PIK3C2A: variants seen among roughly 807,000 people sequenced by gnomAD.
The protein encoded by PIK3C2A is phosphatidylinositol 4-phosphate 3-kinase C2 domain-containing subunit alpha.
Under a neutral mutation model 204.5 loss-of-function variants are expected in PIK3C2A, and 97 were observed. The observed-to-expected ratio is 0.47, with a 90% confidence interval of 0.40 to 0.56. PIK3C2A has a LOEUF of 0.56. Among genes scored for constraint, PIK3C2A ranks in the 20% least tolerant of loss-of-function variants. The probability of loss-of-function intolerance (pLI) is 0.00; values close to 1 mark genes in which losing one functional copy is unlikely to be tolerated. For synonymous variants in PIK3C2A, 653 were observed against 664.4 expected (o/e 0.98, Z 0.26); for missense variants, 1,735 against 1,969.2 (o/e 0.88, Z 2.25).
chr11:17,137,402 T>C (rs1377749627), intron 8 of PIK3C2A, among the ~76,000 whole-genome samples: 1 of 114,344 alleles, frequency 8.7e-6, no homozygotes, highest in Non-Finnish European at 1.8e-5. Flanking sequence ...CATTCTCCTA[T>C]ATTACTTCAT....
At chr11:17,182,751 A>G (rs1198799641) in intron 1 of PIK3C2A, among the ~76,000 whole-genome samples, 1 of 152,192 alleles carries the variant, frequency 6.6e-6, no homozygotes, top group African/African-American at 2.4e-5. Flanking sequence ...TTTATAAAAT[A>G]GAGTTTCTCA....
rs1012065756 is a variant in PIK3C2A at position 17,087,862 on chromosome 11, A to G, written c.*1876T>C. The stretch of plus-strand genomic sequence containing the variant: ...TTTAACATTTAAAAAAGACATTCAT[A>G]TACCATACTCATGGGTTTAACTACA... On this transcript the variant is annotated 3_prime_UTR_variant, in exon 33 of 33. Coordinates refer to ENST00000691414, the MANE Select transcript of PIK3C2A (RefSeq NM_002645.4). 1 of 152,252 alleles carries G rather than the reference A, an allele frequency of 6.6e-6. No homozygotes were observed. Among genetic ancestry groups the G allele is most frequent in the African/African-American group, 2.4e-5 (1 of 41,464 alleles). 9.4% of individuals were successfully genotyped at this position (152,252 alleles called of 1,614,324 possible). A position where few individuals can be genotyped will look rare whatever the true frequency, so the allele number is the denominator to read the frequency against.
intron 1 of PIK3C2A, among the ~76,000 whole-genome samples, chr11:17,178,502 G>A (rs936228432): frequency 6.6e-6 from 1 of 152,092 alleles, no homozygotes; most frequent in African/African-American, 2.4e-5. Flanking sequence ...CTGTTATTCT[G>A]GGGGAGAACA....
chr11:17,123,387 T>C (rs1590933596), intron 13 of PIK3C2A, among the ~76,000 whole-genome samples: 2 of 151,674 alleles, frequency 1.3e-5, no homozygotes, highest in South Asian at 4.2e-4. Flanking sequence ...TAGCTAGGAC[T>C]ATAGGCACGT....
intron 26 of PIK3C2A, among the ~76,000 whole-genome samples, chr11:17,099,186 C>A (rs1848544284): frequency 6.6e-6 from 1 of 152,140 alleles, no homozygotes; most frequent in Non-Finnish European, 1.5e-5. Context: ...TGAGCCACTG[C>A]GCCTGGCTGG....
chr11:17,124,799 C>G (rs1431288370), intron 13 of PIK3C2A, among the ~76,000 whole-genome samples: 1 of 152,142 alleles, frequency 6.6e-6, no homozygotes, highest in Non-Finnish European at 1.5e-5. Context: ...GTCTCCTTCT[C>G]TTTTTTTCTA....
At chr11:17,111,096 T>C (rs71484760) in intron 21 of PIK3C2A, among the ~76,000 whole-genome samples, 1 of 151,812 alleles carries the variant, frequency 6.6e-6, no homozygotes. Flanking sequence ...TTAGTAGAGA[T>C]GGGGTTTCAC....
intron 23 of PIK3C2A, 55 bp downstream of exon 23, chr11:17,105,114 C>A (rs1259604436): frequency 2.5e-5 from 35 of 1,407,318 alleles, no homozygotes; most frequent in Non-Finnish European, 3.5e-5. Context: ...GAACTTAAAA[C>A]CTCTGTAACA....
At chr11:17,172,534 C>T in intron 1 of PIK3C2A, among the ~76,000 whole-genome samples, 1 of 152,320 alleles carries the variant, frequency 6.6e-6, no homozygotes, top group African/African-American at 2.4e-5. Context: ...CCCACAGAAT[C>T]ATTTTGGAAT....
In PIK3C2A at chr11:17,102,926, C is replaced by G. The variant is rs937726040; in HGVS notation, c.3682-95G>C. On this transcript the variant is annotated intron_variant, in intron 23 of 32. Coordinates refer to ENST00000691414, the MANE Select transcript of PIK3C2A (RefSeq NM_002645.4). ...AAAGTAATTTATCACTCTTTAAAAA[C>G]ACTATTGTAATCCACTCTCTCAATA... is the stretch of plus-strand genomic sequence containing the variant. The G allele has an allele frequency of 7.9e-6, 6 of 757,168 alleles. No homozygotes were observed. The African/African-American group carries it at 1.1e-4, about 13-fold the overall frequency. The allele number at this position is 757,168 out of a possible 1,614,324, so 46.9% of individuals were successfully genotyped here.
chr11:17,134,872 C>T lies in PIK3C2A; in HGVS notation c.2055G>A (p.Gln685=). 6.2e-7 allele frequency: 1 copy of T among 1,614,122 alleles called. No individual in the cohort carries two copies. Among genetic ancestry groups the T allele is most frequent in the Non-Finnish European group, 8.5e-7 (1 of 1,179,982 alleles). The change falls in exon 11 of 33, where the codon CAG becomes CAA. Residue 685 remains glutamine (Q), a synonymous_variant. Transcript: ENST00000691414. ...GAGCAGCAAAAATAGTAAACTGGAG[C>T]TGCTCTGTTGTAGTCCATGCTTCCT... ...SVKEAWTTTE[Q]LQFTIFAAHG...
At chr11:17,115,721 T>C (rs1170775267) in intron 19 of PIK3C2A, 1 of 152,144 alleles carries the variant, frequency 6.6e-6, no homozygotes, top group East Asian at 1.9e-4. Context: ...TAATCTTCTC[T>C]GTATCATTCC....
At chr11:17,112,446 C>G in intron 21 of PIK3C2A, 128 bp downstream of exon 21, 1 of 416,270 alleles carries the variant, frequency 2.4e-6, no homozygotes. Flanking sequence ...GAACAAGACC[C>G]TGTGTAAAAA....
intron 2 of PIK3C2A, among the ~76,000 whole-genome samples, chr11:17,166,901 C>T (rs12276923): frequency 0.057 from 8,625 of 152,136 alleles, 304 homozygotes; most frequent in Middle Eastern, 0.078. Context: ...GAAATTGACC[C>T]GAATATGAAT....
At chr11:17,127,358 G>C (rs1849559670) in intron 13 of PIK3C2A, among the ~76,000 whole-genome samples, 1 of 151,916 alleles carries the variant, frequency 6.6e-6, no homozygotes, top group African/African-American at 2.4e-5. Context: ...ACCCAGGCTG[G>C]AGTCCAGTGG....
chr11:17,089,743 A>G lies in PIK3C2A; in HGVS notation c.5056T>C (p.Leu1686=). Residue 1686 remains leucine, a synonymous_variant, in exon 33 of 33, where the codon TTG becomes CTG. Transcript: ENST00000691414. ...KWYQLTAATY[L] is the part of the protein sequence containing the mutation. ...AAGCTCAAACATTCACTAGTTTACA[A>G]GTATGTTGCCGCAGTCAGCTGATAC... 6.2e-7 allele frequency: 1 copy of G among 1,610,396 alleles called. No homozygotes were observed. The highest frequency in any genetic ancestry group is 8.5e-7 in the Non-Finnish European group (1 of 1,177,228).
intron 1 of PIK3C2A, among the ~76,000 whole-genome samples, chr11:17,183,787 A>G (rs1181875101): frequency 6.6e-6 from 1 of 151,952 alleles, no homozygotes; most frequent in African/African-American, 2.4e-5. Context: ...CAGACCATAT[A>G]TATGACAGTG....
chr11:17,193,280 T>C (rs960291245), intron 1 of PIK3C2A, among the ~76,000 whole-genome samples: 2 of 152,224 alleles, frequency 1.3e-5, no homozygotes, highest in Non-Finnish European at 2.9e-5. Flanking sequence ...CAATAAAAAC[T>C]ATCCTGAAAT....
chr11:17,092,346 A>G, intron 28 of PIK3C2A, 70 bp from the exon 29 acceptor site: 1 of 773,132 alleles, frequency 1.3e-6, no homozygotes, highest in Admixed American at 2.0e-5. Context: ...ACACTTTTTC[A>G]TATATACTTA....
Sources: allele counts gnomAD v4.1 joint callset (sites outside exome capture counted in the v4.1 genomes callset), GRCh38; gene constraint gnomAD v4.1.1; transcripts MANE v1.5; gene names NCBI Gene and HGNC (gene_info 2026-07-23, HGNC 2026-07-21).